Variants in MAP2K5 observed in about 807,000 individuals in gnomAD.
MAP2K5 encodes dual specificity mitogen-activated protein kinase kinase 5.
Under a neutral mutation model 83.1 loss-of-function variants are expected in MAP2K5, and 49 were observed. The observed-to-expected ratio is 0.59, with a 90% confidence interval of 0.47 to 0.75. MAP2K5 has a LOEUF of 0.75. Among genes scored for constraint, MAP2K5 ranks in the 30% least tolerant of loss-of-function variants. MAP2K5 has a pLI of 0.00. For synonymous variants in MAP2K5, 202 were observed against 191.8 expected, an observed-to-expected ratio of 1.05 and a Z score of -0.44; for missense variants, 457 against 557.5, an observed-to-expected ratio of 0.82 and a Z score of 1.82.
intron 4 of MAP2K5, among the ~76,000 whole-genome samples, chr15:67,582,059 C>CTTT (rs944586636): frequency 1.1e-4 from 13 of 122,714 alleles, no homozygotes; most frequent in East Asian, 2.3e-4. Context: ...TAGATGATTT[C>CTTT]TTTTTTTTTT....
At position 67,543,541 on chromosome 15, in the gene MAP2K5, C is replaced by A; in HGVS notation, c.135+71C>A. ...GGACTTGAGTAGTCAGCACCTTGAC[C>A]ACTGGTGACCTGAGCCAGTGGCAAT... is the stretch of plus-strand genomic sequence containing the variant. On this transcript the variant is annotated intron_variant, in intron 1 of 21. Coordinates refer to ENST00000178640, the MANE Select transcript of MAP2K5 (RefSeq NM_145160.3). The surrounding 1 kb of genome is among the most constrained non-coding windows in gnomAD (Gnocchi z 4.3). 1 of 1,566,218 alleles carries A rather than the reference C, an allele frequency of 6.4e-7. No homozygotes were observed. Among genetic ancestry groups the A allele is most frequent in the South Asian group, 1.1e-5 (1 of 88,942 alleles).
intron 13 of MAP2K5, among the ~76,000 whole-genome samples, chr15:67,687,035 C>G (rs901776738): frequency 6.6e-6 from 1 of 152,064 alleles, no homozygotes; most frequent in South Asian, 2.1e-4. Context: ...GTATCTTGAT[C>G]ATGGTGTGGT....
rs924505809 is a variant in MAP2K5, at chr15:67,806,669, C to T, written c.1266C>T (p.Phe422=). ...ELMGHPFIVQ[F]NDGNAAVVSM... is the part of the protein sequence containing the mutation. Reference sequence around the variant, plus strand: ...AGGGCCACCCGTTCATCGTGCAGTTCAATGATGGAAATGCCGCCGTGGTGT... The same window carrying T: ...AGGGCCACCCGTTCATCGTGCAGTTTAATGATGGAAATGCCGCCGTGGTGT... Residue 422 remains phenylalanine, a synonymous_variant, in exon 22 of 22, where the codon TTC becomes TTT. Coordinates refer to ENST00000178640, the MANE Select transcript of MAP2K5 (RefSeq NM_145160.3). 6 of 1,551,138 alleles carry T rather than the reference C, an allele frequency of 3.9e-6. No individual in the cohort carries two copies. The highest frequency in any genetic ancestry group is 2.7e-5 in the African/African-American group (2 of 73,086).
chr15:67,613,460 T>G (rs1311003659), intron 8 of MAP2K5, among the ~76,000 whole-genome samples: 2 of 152,182 alleles, frequency 1.3e-5, no homozygotes, highest in Non-Finnish European at 2.9e-5. Context: ...TTGGGATATA[T>G]CTATTATCTC....
intron 7 of MAP2K5, among the ~76,000 whole-genome samples, chr15:67,596,428 A>G (rs1375746514): frequency 6.6e-6 from 1 of 152,198 alleles, no homozygotes; most frequent in Admixed American, 6.5e-5. Context: ...AAAACTCAAC[A>G]ACAACAGGAA....
rs2089687248 is a variant in MAP2K5, at chr15:67,750,142, T to C, written c.1134+1541T>C. Among the ~76,000 whole-genome samples the C allele has an allele frequency of 6.6e-6, 1 of 152,264 alleles. No individual in the cohort carries two copies. Among genetic ancestry groups the C allele is most frequent in the African/African-American group, 2.4e-5 (1 of 41,476 alleles). On this transcript the variant is annotated intron_variant, in intron 19 of 21. Coordinates refer to ENST00000178640, the MANE Select transcript of MAP2K5 (RefSeq NM_145160.3). This position sits in a 1 kb window ranked among gnomAD's most constrained non-coding sequence, Gnocchi z 4.2. ...AATCATGAGACTTTTGAAATTACCATGGGGAGATGTTCTATTTAAGGGATG... is the reference window on the plus strand; with the variant it reads ...AATCATGAGACTTTTGAAATTACCACGGGGAGATGTTCTATTTAAGGGATG...
intron 16 of MAP2K5, among the ~76,000 whole-genome samples, chr15:67,713,217 T>C (rs79107834): frequency 0.017 from 2,603 of 152,258 alleles, 84 homozygotes; most frequent in African/African-American, 0.06. Flanking sequence ...AATAGAAATT[T>C]TCCCAAGGAA....
rs2089615747 is a variant in MAP2K5 at position 67,746,868 on chromosome 15, C to T, written c.1075-1363C>T. 6.6e-6 allele frequency among the ~76,000 whole-genome samples: 1 copy of T among 152,214 alleles called. No individual in the cohort carries two copies. Among genetic ancestry groups the T allele is most frequent in the Admixed American group, 6.5e-5 (1 of 15,288 alleles). On this transcript the variant is annotated intron_variant, in intron 17 of 21. Coordinates refer to ENST00000178640, the MANE Select transcript of MAP2K5 (RefSeq NM_145160.3). The surrounding 1 kb of genome is among the most constrained non-coding windows in gnomAD (Gnocchi z 4.1). ...CTCAGGCAGTAGGAAGAAGGGTGTGCTGATCAGCCACATGGATGCAAAAGA... is the reference window on the plus strand; with the variant it reads ...CTCAGGCAGTAGGAAGAAGGGTGTGTTGATCAGCCACATGGATGCAAAAGA...
Position 67,699,914 on chromosome 15 carries a change from C to T in MAP2K5, c.973-3423C>T, listed in dbSNP as rs143828938. ...ACAGATCTGAATTCAAGCAGTCTAA[C>T]TCCAGAGCCCTGTTTAACCAGTGTT... On this transcript the variant is annotated intron_variant, in intron 15 of 21. Coordinates refer to ENST00000178640, the MANE Select transcript of MAP2K5 (RefSeq NM_145160.3). Among the ~76,000 whole-genome samples the T allele has an allele frequency of 4.6e-3, 698 of 151,498 alleles. 3 individuals are homozygous for T. Among genetic ancestry groups the T allele is most frequent in the Non-Finnish European group, 7.0e-3 (477 of 67,964 alleles).
rs993728149 is a variant in MAP2K5, at chr15:67,755,641, A to G, written c.1134+7040A>G. ...GTGGGGTAGATGATTGTCCCTATTCATAATGATTCTTTTTAGTACCACCAT... is the reference window on the plus strand; with the variant it reads ...GTGGGGTAGATGATTGTCCCTATTCGTAATGATTCTTTTTAGTACCACCAT... On this transcript the variant is annotated intron_variant, in intron 19 of 21. Transcript: ENST00000178640. The surrounding 1 kb of genome is among the most constrained non-coding windows in gnomAD (Gnocchi z 4.7). Among the ~76,000 whole-genome samples, 3 of 152,324 alleles carry G rather than the reference A, an allele frequency of 2.0e-5. No homozygotes were observed. Among genetic ancestry groups the G allele is most frequent in the Admixed American group, 6.5e-5 (1 of 15,300 alleles).
At position 67,782,661 on chromosome 15, in the gene MAP2K5, C is replaced by CA. The variant is rs1162855075; in HGVS notation, c.1242+9910dup. 6.6e-6 allele frequency among the ~76,000 whole-genome samples: 1 copy of CA among 152,196 alleles called. No individual in the cohort carries two copies. Among genetic ancestry groups the CA allele is most frequent in the Non-Finnish European group, 1.5e-5 (1 of 68,030 alleles). On this transcript the variant is annotated intron_variant, in intron 21 of 21. Coordinates refer to ENST00000178640, the MANE Select transcript of MAP2K5 (RefSeq NM_145160.3). The surrounding 1 kb of genome is among the most constrained non-coding windows in gnomAD (Gnocchi z 4.9). ...TTGTTTCAATCAACCCCTGTGCTCA[C>CA]AGCCTGCTCCAGTTTCTAATTTTTA...
In MAP2K5 at chr15:67,565,937, G is replaced by A. The variant is rs2084829128; in HGVS notation, c.252+2587G>A. ...GTTGGCTGTCATTTTGATCTGTCTT[G>A]GTTCTTATGATTGAAATTTAAGGAG... On this transcript the variant is annotated intron_variant, in intron 3 of 21. Coordinates refer to ENST00000178640, the MANE Select transcript of MAP2K5 (RefSeq NM_145160.3). This position sits in a 1 kb window ranked among gnomAD's most constrained non-coding sequence, Gnocchi z 4.1. Among the ~76,000 whole-genome samples the A allele has an allele frequency of 6.6e-6, 1 of 152,044 alleles. No individual in the cohort carries two copies. The highest frequency in any genetic ancestry group is 2.4e-5 in the African/African-American group (1 of 41,386).
Position 67,760,362 on chromosome 15 carries a change from G to A in MAP2K5, c.1135-9240G>A, listed in dbSNP as rs1197560811. ...AAAATTTTTTCCTCATAGTCTGAAGGATGTACAAAGTCACTTGAAGTAAAA... is the reference window on the plus strand; with the variant it reads ...AAAATTTTTTCCTCATAGTCTGAAGAATGTACAAAGTCACTTGAAGTAAAA... On this transcript the variant is annotated intron_variant, in intron 19 of 21. Transcript: ENST00000178640. This position sits in a 1 kb window ranked among gnomAD's most constrained non-coding sequence, Gnocchi z 4.1. Among the ~76,000 whole-genome samples, 2 of 151,996 alleles carry A rather than the reference G, an allele frequency of 1.3e-5. No individual in the cohort carries two copies. Among genetic ancestry groups the A allele is most frequent in the African/African-American group, 4.8e-5 (2 of 41,384 alleles).
rs1323115725 is a variant in MAP2K5, at chr15:67,668,312, T to C, written c.847+3667T>C. On this transcript the variant is annotated intron_variant, in intron 13 of 21. Transcript: ENST00000178640. The surrounding 1 kb of genome is among the most constrained non-coding windows in gnomAD (Gnocchi z 4.0). The stretch of plus-strand genomic sequence containing the variant: ...CTGAGTCAAAAATTATGAAAATCTT[T>C]TCTCTAAAATAAACCAAACGTGTGA... Among the ~76,000 whole-genome samples the C allele has an allele frequency of 6.6e-6, 1 of 152,176 alleles. No individual in the cohort carries two copies. The highest frequency in any genetic ancestry group is 1.5e-5 in the Non-Finnish European group (1 of 68,032).
At position 67,738,424 on chromosome 15, in the gene MAP2K5, C is replaced by G. The variant is rs2089394434; in HGVS notation, c.1075-9807C>G. On this transcript the variant is annotated intron_variant, in intron 17 of 21. Coordinates refer to ENST00000178640, the MANE Select transcript of MAP2K5 (RefSeq NM_145160.3). This position sits in a 1 kb window ranked among gnomAD's most constrained non-coding sequence, Gnocchi z 4.1. The stretch of plus-strand genomic sequence containing the variant: ...TGGTAGCCAGGCAGCTGGAAACACT[C>G]AGTGATTCAGGGTAGAGGGCATAGG... Among the ~76,000 whole-genome samples, 1 of 152,204 alleles carries G rather than the reference C, an allele frequency of 6.6e-6. No homozygotes were observed. Among genetic ancestry groups the G allele is most frequent in the Non-Finnish European group, 1.5e-5 (1 of 68,036 alleles).
chr15:67,743,898 C>T (rs2141268263), intron 17 of MAP2K5, among the ~76,000 whole-genome samples: 1 of 152,288 alleles, frequency 6.6e-6, no homozygotes, highest in South Asian at 2.1e-4. Flanking sequence ...AGGGAGGGGG[C>T]TTCTGGGGAC....
At chr15:67,765,462 T>C (rs1249511586) in intron 19 of MAP2K5, among the ~76,000 whole-genome samples, 1 of 152,236 alleles carries the variant, frequency 6.6e-6, no homozygotes, top group African/African-American at 2.4e-5. Flanking sequence ...TTACCAGTTT[T>C]ACATGCACTT....
chr15:67,613,746 C>T (rs754630786), intron 8 of MAP2K5, among the ~76,000 whole-genome samples: 3 of 151,782 alleles, frequency 2.0e-5, no homozygotes, highest in Non-Finnish European at 4.4e-5. Context: ...TCTCCATACT[C>T]ATTTTATCTA....
intron 8 of MAP2K5, among the ~76,000 whole-genome samples, chr15:67,618,519 C>G (rs576737937): frequency 6.6e-6 from 1 of 152,312 alleles, no homozygotes; most frequent in East Asian, 1.9e-4. Flanking sequence ...TCCTGAACTT[C>G]AGACTCATAT....
Sources: allele counts gnomAD v4.1 joint callset (sites outside exome capture counted in the v4.1 genomes callset), GRCh38; gene constraint gnomAD v4.1.1; non-coding constraint Gnocchi (gnomAD v3.1); transcripts MANE v1.5; gene names NCBI Gene and HGNC (gene_info 2026-07-23, HGNC 2026-07-21).